Variants in TMED3 observed in about 807,000 individuals in gnomAD.
TMED3 encodes the protein transmembrane emp24 domain-containing protein 3.
A neutral mutation model predicts 15.0 loss-of-function variants in TMED3; 9 were observed. That is an observed-to-expected ratio of 0.60 (90% CI 0.36 to 1.04). The LOEUF (loss-of-function observed/expected upper bound fraction) is 1.04. TMED3 is among the 50% of genes least tolerant of loss of function. The probability of loss-of-function intolerance (pLI) is 0.01; values close to 1 mark genes in which losing one functional copy is unlikely to be tolerated. For missense variants in TMED3, 267 were observed against 278.9 expected, an observed-to-expected ratio of 0.96 and a Z score of 0.30; for synonymous variants, 117 against 121.4, an observed-to-expected ratio of 0.96 and a Z score of 0.24.
intron 2 of TMED3, among the ~76,000 whole-genome samples, chr15:79,356,358 A>G (rs2058918755): frequency 6.6e-6 from 1 of 152,204 alleles, no homozygotes. Context: ...AGAGTTTAGA[A>G]CAATGTTGGC....
chr15:79,312,443 GC>G (rs2058719866), intron 1 of TMED3, among the ~76,000 whole-genome samples: 1 of 152,144 alleles, frequency 6.6e-6, no homozygotes, highest in South Asian at 2.1e-4. Context: ...TCTGGTCACT[GC>G]CAGGGCGGAA....
At chr15:79,386,339 T>C (rs767103439) in intron 2 of TMED3, among the ~76,000 whole-genome samples, 115 of 152,278 alleles carry the variant, frequency 7.6e-4, no homozygotes, top group Middle Eastern at 3.4e-3. Flanking sequence ...TCTCTGCAGG[T>C]GAGGGGCCAC....
chr15:79,412,572 C>G (rs1595915084), exon 3 of TMED3: 1 of 152,380 alleles, frequency 6.6e-6, no homozygotes, highest in African/African-American at 2.4e-5. Context: ...ACACCACTAC[C>G]AGCGGGACAG....
chr15:79,393,191 C>CAA, intron 2 of TMED3, among the ~76,000 whole-genome samples: 1 of 152,138 alleles, frequency 6.6e-6, no homozygotes, highest in African/African-American at 2.4e-5. Context: ...AGGGTAAGGT[C>CAA]AAAAACATCT....
chr15:79,396,852 A>G (rs1893769062), intron 2 of TMED3, among the ~76,000 whole-genome samples: 1 of 152,256 alleles, frequency 6.6e-6, no homozygotes, highest in South Asian at 2.1e-4. Context: ...TAAATTTATT[A>G]CATGTTGAAA....
intron 2 of TMED3, among the ~76,000 whole-genome samples, chr15:79,338,278 A>G (rs1397013511): frequency 2.0e-5 from 3 of 152,254 alleles, no homozygotes; most frequent in African/African-American, 7.2e-5. Context: ...TGAAGAATGT[A>G]TAACAAAATA....
intron 2 of TMED3, among the ~76,000 whole-genome samples, chr15:79,363,464 G>C (rs1467964381): frequency 7.3e-6 from 1 of 137,536 alleles, no homozygotes; most frequent in East Asian, 2.1e-4. Context: ...CTTATAATTT[G>C]CTTTTTAAAA....
At chr15:79,344,539 C>G (rs1003480303) in intron 2 of TMED3, among the ~76,000 whole-genome samples, 1 of 152,178 alleles carries the variant, frequency 6.6e-6, no homozygotes, top group Non-Finnish European at 1.5e-5. Context: ...TTCTTGGTCT[C>G]TCTCTCTTTT....
intron 2 of TMED3, among the ~76,000 whole-genome samples, chr15:79,360,002 A>G (rs1480445567): frequency 4.6e-5 from 7 of 152,128 alleles, no homozygotes; most frequent in Non-Finnish European, 2.9e-5. Context: ...ACTATGTTAT[A>G]CTCTTCCACT....
chr15:79,336,525 G>T (rs1030623831), intron 2 of TMED3, among the ~76,000 whole-genome samples: 3 of 152,142 alleles, frequency 2.0e-5, no homozygotes, highest in East Asian at 3.9e-4. Context: ...AGGTGTGGTG[G>T]CAGGTGCTTG....
intron 2 of TMED3, among the ~76,000 whole-genome samples, chr15:79,411,169 A>G (rs1203078857): frequency 2.6e-5 from 4 of 152,196 alleles, no homozygotes; most frequent in Non-Finnish European, 5.9e-5. Flanking sequence ...CAGGAACTAG[A>G]GCCTGTTCAA....
intron 2 of TMED3, among the ~76,000 whole-genome samples, chr15:79,391,307 C>T (rs1052681301): frequency 6.6e-6 from 1 of 151,938 alleles, no homozygotes; most frequent in Non-Finnish European, 1.5e-5. Context: ...TTTCAATTTC[C>T]ATCTTGATTT....
intron 2 of TMED3, among the ~76,000 whole-genome samples, chr15:79,318,629 C>A (rs1282341109): frequency 1.3e-5 from 2 of 152,216 alleles, no homozygotes; most frequent in African/African-American, 2.4e-5. Context: ...AATGGCATAT[C>A]TTGAGTTAGC....
intron 2 of TMED3, among the ~76,000 whole-genome samples, chr15:79,328,954 T>C (rs1382212218): frequency 6.6e-6 from 1 of 152,230 alleles, no homozygotes; most frequent in Non-Finnish European, 1.5e-5. Context: ...CCCAGGTTGC[T>C]GTTGGCCCTA....
intron 2 of TMED3, among the ~76,000 whole-genome samples, chr15:79,330,767 T>A (rs72740305): frequency 0.18 from 27,407 of 152,010 alleles, 2,449 homozygotes; most frequent in Admixed American, 0.24. Context: ...GTATCACACT[T>A]CCAGACCTCA....
intron 2 of TMED3, among the ~76,000 whole-genome samples, chr15:79,348,091 G>C (rs148817638): frequency 1.6e-3 from 245 of 152,208 alleles, no homozygotes; most frequent in Non-Finnish European, 2.8e-3. Context: ...CAATTATTAA[G>C]CACTTACCCT....
rs1289436858 is a variant in TMED3, at chr15:79,322,501, G to A, written c.*287G>A. 5 of 1,232,686 alleles carry A rather than the reference G, an allele frequency of 4.1e-6. No individual in the cohort carries two copies. The highest frequency in any genetic ancestry group is 5.1e-6 in the Non-Finnish European group (5 of 983,098). 76.4% of individuals were successfully genotyped at this position (1,232,686 alleles called of 1,614,324 possible). A position where few individuals can be genotyped will look rare whatever the true frequency, so the allele number is the denominator to read the frequency against. On this transcript the variant is annotated 3_prime_UTR_variant, in exon 3 of 3. Transcript: ENST00000299705. ...GGGAGGGTGGACAGGCAATGGTTCA[G>A]TGGCCTGGCTGTTGGCAGGAACTCC...
chr15:79,378,321 C>T (rs1030620122), intron 2 of TMED3, among the ~76,000 whole-genome samples: 1 of 152,180 alleles, frequency 6.6e-6, no homozygotes, highest in Non-Finnish European at 1.5e-5. Context: ...TTCCAGTGGC[C>T]TAACACAATG....
chr15:79,403,619 A>G (rs940308075), intron 2 of TMED3, among the ~76,000 whole-genome samples: 1 of 152,164 alleles, frequency 6.6e-6, no homozygotes, highest in East Asian at 1.9e-4. Flanking sequence ...ATGTCTGCCA[A>G]TCTGTTTACA....
Sources: gnomAD v4.1 joint callset for allele counts (sites outside exome capture counted in the v4.1 genomes callset) on GRCh38, gnomAD v4.1.1 for gene constraint, MANE v1.5 for transcripts, NCBI Gene and HGNC (gene_info 2026-07-23, HGNC 2026-07-21) for gene names.